Variants in HMCN2 observed in about 807,000 individuals in gnomAD.
The protein encoded by HMCN2 is hemicentin 2.
A neutral mutation model predicts 377.5 loss-of-function variants in HMCN2; 325 were observed. That is an observed-to-expected ratio of 0.86 (90% CI 0.79 to 0.94). The LOEUF is 0.94. Among genes scored for constraint, HMCN2 ranks in the 40% least tolerant of loss-of-function variants. The probability of loss-of-function intolerance (pLI) is 0.00; values close to 1 mark genes in which losing one functional copy is unlikely to be tolerated. For missense variants in HMCN2, 4,543 were observed against 4,725.3 expected (o/e 0.96, Z 1.13); for synonymous variants, 2,007 against 2,046.8 (o/e 0.98, Z 0.53).
chr9:130,397,335 C>T (rs898414630), intron 73 of HMCN2, among the ~76,000 whole-genome samples, 193 bp from the exon 74 acceptor site: 2 of 152,194 alleles, frequency 1.3e-5, no homozygotes, highest in Non-Finnish European at 2.9e-5. Context: ...TCAATCATCT[C>T]CTACCAGGTC....
At chr9:130,291,557 T>G (rs1190787616) in intron 4 of HMCN2, among the ~76,000 whole-genome samples, 1 of 152,224 alleles carries the variant, frequency 6.6e-6, no homozygotes, top group Non-Finnish European at 1.5e-5. Context: ...AAAATTACTA[T>G]GAAGAATTTC....
Position 130,394,489 on chromosome 9 carries a change from A to G in HMCN2, c.10606A>G (p.Ile3536Val), listed in dbSNP as rs1203559877. ...TGCCCAGGGCACCCCCCAGCCCAAC[A>G]TCACCTGGCATAAGGACGGGCAGGC... ...CDAQGTPQPN[I>V]TWHKDGQALT... The change falls in exon 69 of 98, where the codon ATC becomes GTC. Residue 3536 changes from isoleucine (I) to valine (V), a missense_variant. Physicochemically the swap from Ile to Val is conservative, Grantham distance 29. Transcript: ENST00000683500. The surrounding 1 kb of genome is among the most constrained non-coding windows in gnomAD (Gnocchi z 5.1). The G allele has an allele frequency of 1.6e-6, 2 of 1,289,782 alleles. No homozygotes were observed. The highest frequency in any genetic ancestry group is 2.5e-5 in the South Asian group (2 of 81,014). The allele number at this position is 1,289,782 out of a possible 1,614,324, so 79.9% of individuals were successfully genotyped here.
chr9:130,278,901 CTT>C (rs1162905487), intron 1 of HMCN2, among the ~76,000 whole-genome samples: 14 of 132,290 alleles, frequency 1.1e-4, no homozygotes, highest in Admixed American at 1.5e-4. Context: ...TTTTCTTTTT[CTT>C]TTTTTTTTTT....
At chr9:130,310,492 C>T (rs1396815143) in intron 15 of HMCN2, among the ~76,000 whole-genome samples, 1 of 152,224 alleles carries the variant, frequency 6.6e-6, no homozygotes, top group Admixed American at 6.5e-5. Context: ...GAGACAATCT[C>T]AGAGGGAAGC....
At chr9:130,378,815 T>G (rs1397798617) in intron 53 of HMCN2, among the ~76,000 whole-genome samples, 1 of 152,098 alleles carries the variant, frequency 6.6e-6, no homozygotes, top group Non-Finnish European at 1.5e-5. Flanking sequence ...AACCTGGGGA[T>G]GACACGGCCC....
intron 4 of HMCN2, among the ~76,000 whole-genome samples, chr9:130,287,542 ACT>A (rs1319931582): frequency 7.7e-6 from 1 of 130,166 alleles, no homozygotes; most frequent in African/African-American, 3.1e-5. Context: ...CAAGAGTGAA[ACT>A]CTGTCTTAAA....
chr9:130,415,257 AG>A (rs1388786898), intron 85 of HMCN2, among the ~76,000 whole-genome samples: 4 of 152,258 alleles, frequency 2.6e-5, no homozygotes, highest in Non-Finnish European at 5.9e-5. Context: ...ACCAGGAACA[AG>A]GAAAAATCTC....
At chr9:130,390,364 G>A (rs1307715719) in intron 62 of HMCN2, among the ~76,000 whole-genome samples, 1 of 152,206 alleles carries the variant, frequency 6.6e-6, no homozygotes, top group Non-Finnish European at 1.5e-5. Context: ...ACTCCTTGAG[G>A]ACAGGGACTG....
At chr9:130,319,162 G>C (rs879048997) in intron 15 of HMCN2, among the ~76,000 whole-genome samples, 7,218 of 152,246 alleles carry the variant, frequency 0.047, 546 homozygotes, top group African/African-American at 0.16. Flanking sequence ...CAATCAGACT[G>C]AGAAACACTC....
At chr9:130,307,042 C>T (rs903753990) in intron 13 of HMCN2, 104 bp downstream of exon 13, 2 of 376,442 alleles carry the variant, frequency 5.3e-6, no homozygotes, top group Admixed American at 3.1e-5. Flanking sequence ...CTGTCACGCA[C>T]CGGGGACACG....
chr9:130,293,988 C>T (rs968863319), intron 4 of HMCN2, among the ~76,000 whole-genome samples: 3 of 140,728 alleles, frequency 2.1e-5, no homozygotes, highest in East Asian at 4.9e-4. Context: ...GGGCTGCCTG[C>T]GGGAGGGGTG....
chr9:130,425,759 G>A lies in HMCN2; in HGVS notation c.13714G>A (p.Gly4572Ser). 1 of 1,550,528 alleles carries A rather than the reference G, an allele frequency of 6.4e-7. No homozygotes were observed. The highest frequency in any genetic ancestry group is 8.7e-7 in the Non-Finnish European group (1 of 1,146,972). ...FVGSTQRFFQ[G>S]GLPSFLRCNH... Reference sequence around the variant, plus strand: ...GGGCTCCACACAGCGCTTCTTCCAGGGCGGCCTCCCCTCGTTCCTACGCTG... The same window carrying A: ...GGGCTCCACACAGCGCTTCTTCCAGAGCGGCCTCCCCTCGTTCCTACGCTG... Residue 4572 changes from glycine (G) to serine (S), a missense_variant, in exon 90 of 98, where the codon GGC becomes AGC. Gly to Ser is a moderately conservative substitution (Grantham distance 56). This residue lies in a region of HMCN2 where 1,155 missense variants were observed against 1,157.7 expected (regional missense o/e 1.00). Transcript: ENST00000683500.
Position 130,396,250 on chromosome 9 carries a change from G to A in HMCN2, c.11135G>A (p.Gly3712Asp). The change falls in exon 73 of 98, where the codon GGC becomes GAC. Residue 3712 changes from glycine (G) to aspartate (D), a missense_variant. This residue lies in a region of HMCN2 where 1,073 missense variants were observed against 1,319.5 expected (regional missense o/e 0.81). Coordinates refer to ENST00000683500, the MANE Select transcript of HMCN2 (RefSeq NM_001291815.2). ...GCCCTGCTGCCTTGCCAGGCCGACG[G>A]CGTGCCCGCACCCCTCGTGAGCTGG... ...QTALLPCQAD[G>D]VPAPLVSWRK... 1.6e-6 allele frequency: 2 copies of A among 1,287,104 alleles called. No individual in the cohort carries two copies. Among genetic ancestry groups the A allele is most frequent in the African/African-American group, 1.5e-5 (1 of 65,916 alleles). 79.7% of individuals were successfully genotyped at this position (1,287,104 alleles called of 1,614,324 possible).
intron 85 of HMCN2, among the ~76,000 whole-genome samples, chr9:130,416,454 C>T (rs1485779310): frequency 6.6e-6 from 1 of 151,438 alleles, no homozygotes; most frequent in African/African-American, 2.5e-5. Flanking sequence ...TGCGTAGACT[C>T]TTCTTTTGCA....
intron 15 of HMCN2, among the ~76,000 whole-genome samples, chr9:130,318,916 G>C (rs1281603491): frequency 6.6e-6 from 1 of 152,236 alleles, no homozygotes; most frequent in Non-Finnish European, 1.5e-5. Flanking sequence ...CTGGCTGTTT[G>C]CGGGGGCGGC....
At position 130,433,338 on chromosome 9, in the gene HMCN2, C is replaced by A; in HGVS notation, c.14895-10C>A. On this transcript the variant is annotated splice_polypyrimidine_tract_variant and intron_variant, in intron 97 of 97. Transcript: ENST00000683500. The stretch of plus-strand genomic sequence containing the variant: ...GAGTCCGCCTGTCCGTGTGTCTGTG[C>A]CGCCCGCAGGACGTGCTTCCGGCGC... 1 of 1,434,764 alleles carries A rather than the reference C, an allele frequency of 7.0e-7. No homozygotes were observed. The highest frequency in any genetic ancestry group is 9.1e-7 in the Non-Finnish European group (1 of 1,102,090). 88.9% of individuals were successfully genotyped at this position (1,434,764 alleles called of 1,614,324 possible).
chr9:130,408,382 G>A (rs1843220058), intron 83 of HMCN2, among the ~76,000 whole-genome samples: 1 of 152,140 alleles, frequency 6.6e-6, no homozygotes. Flanking sequence ...CAAAGTACCT[G>A]GCAGGTACTC....
Position 130,394,922 on chromosome 9 carries a change from G to A in HMCN2, c.10693-105G>A. On this transcript the variant is annotated intron_variant, in intron 69 of 97. Transcript: ENST00000683500. This position sits in a 1 kb window ranked among gnomAD's most constrained non-coding sequence, Gnocchi z 5.1. The stretch of plus-strand genomic sequence containing the variant: ...TGGGAGGTGGATGGCAGACCTCGCA[G>A]GGCTGAGTTTGAATCCTGGGTCCCT... 2 of 698,984 alleles carry A rather than the reference G, an allele frequency of 2.9e-6. No individual in the cohort carries two copies. Among genetic ancestry groups the A allele is most frequent in the Non-Finnish European group, 4.2e-6 (2 of 480,794 alleles). The allele number at this position is 698,984 out of a possible 1,614,324, so 43.3% of individuals were successfully genotyped here.
At chr9:130,340,742 G>A (rs1276754763) in intron 23 of HMCN2, among the ~76,000 whole-genome samples, 3 of 152,102 alleles carry the variant, frequency 2.0e-5, no homozygotes, top group African/African-American at 4.8e-5. Context: ...GGTCTCAAAC[G>A]CCTGACATCA....
Sources: gnomAD v4.1 joint callset for allele counts (sites outside exome capture counted in the v4.1 genomes callset) on GRCh38, gnomAD v4.1.1 for gene constraint, gnomAD v4.1.1 regional missense constraint, Gnocchi (gnomAD v3.1) non-coding constraint, MANE v1.5 for transcripts, NCBI Gene and HGNC (gene_info 2026-07-23, HGNC 2026-07-21) for gene names.